The following ASTN1 variants were observed in gnomAD, a reference collection of about 807,000 sequenced individuals.
ASTN1 encodes the protein astrotactin 1, also known as astrotactin-1.
Under a neutral mutation model 140.7 loss-of-function variants are expected in ASTN1, and 41 were observed. The ratio of observed to expected loss-of-function variants is 0.29; its 90% CI spans 0.23 to 0.38. The LOEUF is 0.38. Ranked by LOEUF, ASTN1 falls within the 10% of genes least tolerant of loss-of-function variation. ASTN1 has a pLI of 1.00. For missense variants in ASTN1, 1,479 were observed against 1,678.8 expected, an observed-to-expected ratio of 0.88 and a Z score of 2.08; for synonymous variants, 640 against 652.2, an observed-to-expected ratio of 0.98 and a Z score of 0.29.
intron 1 of ASTN1, among the ~76,000 whole-genome samples, chr1:177,150,599 T>G (rs1019483595): frequency 6.6e-6 from 1 of 152,132 alleles, no homozygotes; most frequent in African/African-American, 2.4e-5. Flanking sequence ...TGAAAGAGTA[T>G]GAGAAAGCTG....
intron 20 of ASTN1, 128 bp from the exon 21 acceptor site, chr1:176,876,765 G>A: frequency 1.2e-6 from 1 of 859,580 alleles, no homozygotes; most frequent in Non-Finnish European, 1.8e-6. Flanking sequence ...TCGTCATCCT[G>A]GGTCACGTTT....
intron 1 of ASTN1, among the ~76,000 whole-genome samples, chr1:177,121,672 C>T (rs1351998970): frequency 6.6e-6 from 1 of 152,134 alleles, no homozygotes; most frequent in African/African-American, 2.4e-5. Context: ...CTTCCTCCAA[C>T]TTCTTTAAGG....
chr1:177,163,988 A>T (rs1647544462), intron 1 of ASTN1, among the ~76,000 whole-genome samples: 1 of 152,190 alleles, frequency 6.6e-6, no homozygotes, highest in Admixed American at 6.5e-5. Context: ...GTGGGTATCC[A>T]GAGTGAGTGA....
At chr1:177,076,187 G>A (rs1161867954) in intron 1 of ASTN1, among the ~76,000 whole-genome samples, 1 of 147,290 alleles carries the variant, frequency 6.8e-6, no homozygotes, top group Non-Finnish European at 1.5e-5. Flanking sequence ...GCTGAGGCAG[G>A]AGAATCACTT....
chr1:177,005,721 G>A (rs1317192605), intron 8 of ASTN1, among the ~76,000 whole-genome samples: 3 of 152,128 alleles, frequency 2.0e-5, no homozygotes, highest in Non-Finnish European at 4.4e-5. Flanking sequence ...ATGTGTGTGA[G>A]TGCTGGGATT....
chr1:176,863,465 A>G lies in ASTN1; in HGVS notation c.*819T>C. 1 of 985,742 alleles carries G rather than the reference A, an allele frequency of 1.0e-6. No homozygotes were observed. Among genetic ancestry groups the G allele is most frequent in the Non-Finnish European group, 1.2e-6 (1 of 829,922 alleles). 61.1% of individuals were successfully genotyped at this position (985,742 alleles called of 1,614,324 possible). ...AGCATGGTTTTTTTAAAAAACAATAAACTCCAAGTCTCCTCTTGAATGTGG... is the reference window on the plus strand; with the variant it reads ...AGCATGGTTTTTTTAAAAAACAATAGACTCCAAGTCTCCTCTTGAATGTGG... On this transcript the variant is annotated 3_prime_UTR_variant, in exon 23 of 23. Coordinates refer to ENST00000361833, the MANE Select transcript of ASTN1 (RefSeq NM_004319.3).
At chr1:176,958,320 G>A (rs1386775004) in intron 10 of ASTN1, 25 bp downstream of exon 10, 3 of 1,611,714 alleles carry the variant, frequency 1.9e-6, no homozygotes, top group African/African-American at 1.3e-5. Flanking sequence ...CCAATTGCAG[G>A]CCTCAGTCCT....
At chr1:177,066,626 T>C (rs1678369215) in intron 1 of ASTN1, among the ~76,000 whole-genome samples, 1 of 152,182 alleles carries the variant, frequency 6.6e-6, no homozygotes, top group South Asian at 2.1e-4. Context: ...GTCCCTGAAC[T>C]GAGCTGCTAA....
At chr1:177,047,699 G>T (rs1677311624) in intron 2 of ASTN1, among the ~76,000 whole-genome samples, 2 of 152,120 alleles carry the variant, frequency 1.3e-5, no homozygotes, top group Non-Finnish European at 2.9e-5. Context: ...GAGGTATTCT[G>T]GAGATGTTTA....
At chr1:176,973,688 T>C (rs920867091) in intron 8 of ASTN1, among the ~76,000 whole-genome samples, 1 of 152,194 alleles carries the variant, frequency 6.6e-6, no homozygotes, top group Admixed American at 6.5e-5. Flanking sequence ...CATGATGTGC[T>C]TCCTCAATAA....
chr1:177,115,399 C>T (rs1013518210), intron 1 of ASTN1, among the ~76,000 whole-genome samples: 9 of 152,188 alleles, frequency 5.9e-5, no homozygotes, highest in East Asian at 1.9e-4. Flanking sequence ...ATGTCTGGTG[C>T]GATGGCTCAC....
At position 176,868,884 on chromosome 1, in the gene ASTN1, C is replaced by A; in HGVS notation, c.3607G>T (p.Gly1203Trp). Residue 1203 changes from glycine (G) to tryptophan (W), a missense_variant, in exon 22 of 23, where the codon GGG (glycine) becomes TGG (tryptophan). Gly to Trp is a radical substitution (Grantham distance 184). Coordinates refer to ENST00000361833, the MANE Select transcript of ASTN1 (RefSeq NM_004319.3). ...YHYNQHYESF[G>W]EFTWRCEDEL... ...TCCTCACATCGCCAGGTGAATTCCC[C>A]AAAACTCTCATAGTGCTGGTTATAG... is the stretch of plus-strand genomic sequence containing the variant. 3 of 1,608,702 alleles carry A rather than the reference C, an allele frequency of 1.9e-6. No homozygotes were observed. The highest frequency in any genetic ancestry group is 1.7e-6 in the Non-Finnish European group (2 of 1,176,696).
At chr1:176,875,279 C>T (rs1462971152) in intron 21 of ASTN1, among the ~76,000 whole-genome samples, 1 of 152,098 alleles carries the variant, frequency 6.6e-6, no homozygotes, top group Non-Finnish European at 1.5e-5. Flanking sequence ...GGCAGTGAGG[C>T]TGGAATGCAG....
intron 1 of ASTN1, among the ~76,000 whole-genome samples, chr1:177,082,094 G>A (rs1381627214): frequency 6.6e-6 from 1 of 152,194 alleles, no homozygotes; most frequent in Non-Finnish European, 1.5e-5. Flanking sequence ...TGGATTGTCA[G>A]ATAGGAAAAT....
chr1:176,900,317 C>T (rs138029331), intron 16 of ASTN1, among the ~76,000 whole-genome samples: 8 of 152,162 alleles, frequency 5.3e-5, no homozygotes, highest in African/African-American at 1.9e-4. Flanking sequence ...CTCAACATGT[C>T]CCAAACTGTG....
At chr1:176,982,065 A>G (rs371137492) in intron 8 of ASTN1, among the ~76,000 whole-genome samples, 1 of 152,198 alleles carries the variant, frequency 6.6e-6, no homozygotes, top group Non-Finnish European at 1.5e-5. Context: ...TGCAGAATTC[A>G]GTCAGTAAAG....
rs528770975 is a variant in ASTN1 at position 176,925,954 on chromosome 1, C to T, written c.2671+8198G>A. On this transcript the variant is annotated intron_variant, in intron 16 of 22. Coordinates refer to ENST00000361833, the MANE Select transcript of ASTN1 (RefSeq NM_004319.3). ...CCGAGTAGCTGGGACTACAGGTGCC[C>T]GGCACCACGCCCAGCTAATTTTTTT... 3.3e-5 allele frequency among the ~76,000 whole-genome samples: 5 copies of T among 152,006 alleles called. No homozygotes were observed. The South Asian group carries it at 6.3e-4, about 19-fold the overall frequency.
At chr1:176,998,923 T>C (rs1192077909) in intron 8 of ASTN1, among the ~76,000 whole-genome samples, 1 of 152,210 alleles carries the variant, frequency 6.6e-6, no homozygotes, top group African/African-American at 2.4e-5. Flanking sequence ...CCAAACTTCC[T>C]TGTGCCTTAG....
chr1:177,102,015 C>A (rs12747711), intron 1 of ASTN1, among the ~76,000 whole-genome samples: 41,884 of 152,152 alleles, frequency 0.28, 7,553 homozygotes, highest in Non-Finnish European at 0.4. Context: ...TGAGTTCACA[C>A]CTGTCATTTT....
Sources: gnomAD v4.1 joint callset for allele counts (sites outside exome capture counted in the v4.1 genomes callset) on GRCh38, gnomAD v4.1.1 for gene constraint, MANE v1.5 for transcripts, NCBI Gene and HGNC (gene_info 2026-07-23, HGNC 2026-07-21) for gene names.